SNX14: variants seen among roughly 807,000 people sequenced by gnomAD.
SNX14 encodes sorting nexin-14.
In SNX14, 93 loss-of-function variants were observed where a neutral mutation model predicts 133.8. That is an observed-to-expected ratio of 0.70 (90% CI 0.59 to 0.83). The LOEUF is 0.83. Among genes scored for constraint, SNX14 ranks in the 40% least tolerant of loss-of-function variants. The pLI is 0.00. For synonymous variants in SNX14, 368 were observed against 365.6 expected (o/e 1.01, Z -0.07); for missense variants, 945 against 1,094.9 (o/e 0.86, Z 1.93).
At position 85,591,180 on chromosome 6, in the gene SNX14, G is replaced by A. The variant is rs181792048; in HGVS notation, c.140+2399C>T. 7.9e-5 allele frequency among the ~76,000 whole-genome samples: 12 copies of A among 151,364 alleles called. No individual in the cohort carries two copies. The East Asian group carries it at 2.1e-3, about 27-fold the overall frequency. On this transcript the variant is annotated intron_variant, in intron 1 of 28. Transcript: ENST00000314673. The stretch of plus-strand genomic sequence containing the variant: ...TATACCCCATCTCAGAAGGGCCCAT[G>A]TTTTCTTGTATAACAACATTTCAGA...
chr6:85,518,186 C>A (rs2127852497), intron 21 of SNX14, 138 bp from the exon 22 acceptor site: 1 of 647,996 alleles, frequency 1.5e-6, no homozygotes, highest in Non-Finnish European at 2.6e-6. Context: ...GACCATTTCA[C>A]ACTCCATGGA....
At chr6:85,570,003 T>C (rs1795052886) in intron 4 of SNX14, among the ~76,000 whole-genome samples, 1 of 152,224 alleles carries the variant, frequency 6.6e-6, no homozygotes, top group Non-Finnish European at 1.5e-5. Context: ...ACTATTAGTC[T>C]GGCAAACCTC....
intron 2 of SNX14, 22 bp downstream of exon 2, chr6:85,574,236 C>T (rs1379191819): frequency 1.3e-6 from 2 of 1,540,154 alleles, no homozygotes; most frequent in African/African-American, 2.7e-5. Context: ...TGATTCTTAA[C>T]AATAAGAACA....
chr6:85,550,074 C>T (rs563152306), intron 7 of SNX14, among the ~76,000 whole-genome samples, 195 bp from the exon 8 acceptor site: 27 of 152,228 alleles, frequency 1.8e-4, no homozygotes, highest in Admixed American at 3.9e-4. Context: ...TGGCACAATC[C>T]CATCTCTACA....
At chr6:85,551,488 C>T (rs374709795) in intron 7 of SNX14, among the ~76,000 whole-genome samples, 4 of 152,226 alleles carry the variant, frequency 2.6e-5, no homozygotes, top group African/African-American at 9.6e-5. Flanking sequence ...CAGCATTCAG[C>T]TGTATCAACC....
chr6:85,578,975 A>T (rs1798182414), intron 1 of SNX14, among the ~76,000 whole-genome samples: 1 of 152,076 alleles, frequency 6.6e-6, no homozygotes, highest in Admixed American at 6.5e-5. Context: ...GTCTCTACTA[A>T]AAGTACAAAA....
rs554961994 is a variant in SNX14 at position 85,577,638 on chromosome 6, C to T, written c.141-3260G>A. On this transcript the variant is annotated intron_variant, in intron 1 of 28. Transcript: ENST00000314673. ...AAGCCATAGGAATAAATGACATGAC[C>T]CAGGGAGAATCTACAGAGTTAAAAA... Among the ~76,000 whole-genome samples, 12 of 151,558 alleles carry T rather than the reference C, an allele frequency of 7.9e-5. No individual in the cohort carries two copies. The South Asian group carries it at 2.3e-3, about 29-fold the overall frequency.
At chr6:85,575,132 T>C (rs1304448182) in intron 1 of SNX14, among the ~76,000 whole-genome samples, 1 of 151,934 alleles carries the variant, frequency 6.6e-6, no homozygotes, top group African/African-American at 2.4e-5. Flanking sequence ...GGCCTTAAGA[T>C]GAATCTAAAA....
chr6:85,517,350 G>A (rs370424072), intron 23 of SNX14, among the ~76,000 whole-genome samples: 4 of 152,100 alleles, frequency 2.6e-5, no homozygotes, highest in South Asian at 4.1e-4. Context: ...GCACTCAATC[G>A]TAGGCATGTA....
intron 1 of SNX14, among the ~76,000 whole-genome samples, chr6:85,590,175 C>T (rs1039689601): frequency 1.3e-5 from 2 of 152,204 alleles, no homozygotes; most frequent in East Asian, 3.8e-4. Flanking sequence ...CCTTATACAA[C>T]CACAAGACTA....
chr6:85,553,942 G>C (rs1788756750), intron 7 of SNX14, among the ~76,000 whole-genome samples: 1 of 152,126 alleles, frequency 6.6e-6, no homozygotes. Context: ...GCACCTGTCA[G>C]ACATAAGGGA....
chr6:85,554,388 G>A (rs371167451), intron 7 of SNX14, among the ~76,000 whole-genome samples: 4 of 151,650 alleles, frequency 2.6e-5, no homozygotes, highest in East Asian at 3.9e-4. Flanking sequence ...TCTATATAAC[G>A]CCTATTCTCA....
chr6:85,527,652 A>T (rs112181326), intron 20 of SNX14, among the ~76,000 whole-genome samples: 1 of 152,112 alleles, frequency 6.6e-6, no homozygotes, highest in Admixed American at 6.6e-5. Flanking sequence ...AGTCTTGGAG[A>T]GCCTGATGTC....
At chr6:85,506,316 GA>G (rs1162325114) in intron 28 of SNX14, among the ~76,000 whole-genome samples, 4 of 146,938 alleles carry the variant, frequency 2.7e-5, no homozygotes, top group African/African-American at 5.3e-5. Context: ...ACAATAACTT[GA>G]AAATTTTTTT....
chr6:85,565,497 T>A (rs1793529266), intron 5 of SNX14, 78 bp from the exon 6 acceptor site: 1 of 1,110,560 alleles, frequency 9.0e-7, no homozygotes, highest in African/African-American at 1.6e-5. Context: ...GGGAAAATTT[T>A]CCTTTTTTCT....
intron 1 of SNX14, among the ~76,000 whole-genome samples, chr6:85,593,219 T>C (rs1278623840): frequency 6.6e-6 from 1 of 152,206 alleles, no homozygotes; most frequent in Non-Finnish European, 1.5e-5. Flanking sequence ...GAACTGGACC[T>C]TGAACACTCC....
At chr6:85,577,653 A>G (rs183044551) in intron 1 of SNX14, among the ~76,000 whole-genome samples, 2 of 152,316 alleles carry the variant, frequency 1.3e-5, no homozygotes, top group African/African-American at 4.8e-5. Flanking sequence ...GAGAATCTAC[A>G]GAGTTAAAAA....
chr6:85,507,064 T>C (rs1382070699), intron 28 of SNX14, 169 bp downstream of exon 28: 1 of 611,182 alleles, frequency 1.6e-6, no homozygotes, highest in African/African-American at 1.9e-5. Flanking sequence ...CCCAGAATTG[T>C]TTGGGCATGT....
intron 7 of SNX14, among the ~76,000 whole-genome samples, chr6:85,552,585 A>T (rs551904905): frequency 4.9e-4 from 75 of 152,182 alleles, no homozygotes; most frequent in Non-Finnish European, 7.5e-4. Context: ...CTAAACAAGA[A>T]AATAATAACA....
Sources: allele counts gnomAD v4.1 joint callset (sites outside exome capture counted in the v4.1 genomes callset), GRCh38; gene constraint gnomAD v4.1.1; transcripts MANE v1.5; gene names NCBI Gene and HGNC (gene_info 2026-07-23, HGNC 2026-07-21).